The following MACROD2 variants were observed in gnomAD, a reference collection of about 807,000 sequenced individuals.
The protein encoded by MACROD2 is mono-ADP ribosylhydrolase 2.
In MACROD2, 36 loss-of-function variants were observed where a neutral mutation model predicts 70.4. That is an observed-to-expected ratio of 0.51 (90% CI 0.39 to 0.68). MACROD2 has a LOEUF of 0.68. MACROD2 is among the 30% of genes least tolerant of loss of function. The pLI is 0.00. For synonymous variants in MACROD2, 172 were observed against 178.8 expected, an observed-to-expected ratio of 0.96 and a Z score of 0.30; for missense variants, 496 against 538.4, an observed-to-expected ratio of 0.92 and a Z score of 0.78.
chr20:15,311,646 A>C (rs2146148077), intron 6 of MACROD2, among the ~76,000 whole-genome samples: 1 of 152,328 alleles, frequency 6.6e-6, no homozygotes, highest in South Asian at 2.1e-4. Flanking sequence ...ACATGGATGG[A>C]GCTGGAGGTG....
At chr20:14,601,948 C>T (rs113215635) in intron 4 of MACROD2, among the ~76,000 whole-genome samples, 2 of 152,274 alleles carry the variant, frequency 1.3e-5, no homozygotes, top group African/African-American at 4.8e-5. Flanking sequence ...TTAAGCATCT[C>T]GCACCATATA....
chr20:15,980,172 T>A (rs2066375061), intron 13 of MACROD2, among the ~76,000 whole-genome samples: 1 of 152,162 alleles, frequency 6.6e-6, no homozygotes, highest in Non-Finnish European at 1.5e-5. Flanking sequence ...ATAACATCGG[T>A]TTCTAAGTTA....
intron 8 of MACROD2, among the ~76,000 whole-genome samples, chr20:15,735,778 C>A (rs2051010898): frequency 6.6e-6 from 1 of 152,152 alleles, no homozygotes; most frequent in Admixed American, 6.5e-5. Context: ...ACTGACTACC[C>A]AGGTCTCCAG....
At chr20:14,957,082 AAAAC>A (rs2074543591) in intron 5 of MACROD2, among the ~76,000 whole-genome samples, 1 of 152,044 alleles carries the variant, frequency 6.6e-6, no homozygotes, top group Non-Finnish European at 1.5e-5. Context: ...TTATACATTA[AAAAC>A]ACATTATCAA....
intron 8 of MACROD2, among the ~76,000 whole-genome samples, chr20:15,641,647 A>G (rs550093776): frequency 1.3e-5 from 2 of 152,318 alleles, no homozygotes; most frequent in South Asian, 4.1e-4. Context: ...TCATCCTAAC[A>G]CACAAGCGTC....
At chr20:14,401,669 CCT>C in intron 3 of MACROD2, among the ~76,000 whole-genome samples, 1 of 152,180 alleles carries the variant, frequency 6.6e-6, no homozygotes. Flanking sequence ...TTGTAAGTCC[CCT>C]GTCAACACTG....
chr20:15,431,158 T>C (rs2046359271), intron 6 of MACROD2, among the ~76,000 whole-genome samples: 1 of 152,090 alleles, frequency 6.6e-6, no homozygotes, highest in South Asian at 2.1e-4. Context: ...ATAATAACTT[T>C]AACAATTGCC....
intron 5 of MACROD2, chr20:14,757,477 G>T: frequency 2.0e-6 from 1 of 506,576 alleles, no homozygotes; most frequent in Non-Finnish European, 3.6e-6. Context: ...ATTTTTCTTA[G>T]GTAGGCATTA....
intron 4 of MACROD2, among the ~76,000 whole-genome samples, chr20:14,530,970 C>T (rs1156325407): frequency 2.6e-5 from 4 of 152,166 alleles, no homozygotes; most frequent in Non-Finnish European, 4.4e-5. Context: ...CTCAATTGGC[C>T]AAGCATTTTC....
chr20:15,633,850 G>C (rs1384509449), intron 8 of MACROD2, among the ~76,000 whole-genome samples: 2 of 152,136 alleles, frequency 1.3e-5, no homozygotes, highest in Non-Finnish European at 2.9e-5. Flanking sequence ...TCTGTAAATG[G>C]TTTTGTATGA....
intron 4 of MACROD2, among the ~76,000 whole-genome samples, chr20:14,584,618 C>T (rs964386): frequency 0.64 from 97,613 of 151,962 alleles, 32,912 homozygotes; most frequent in East Asian, 0.93. Flanking sequence ...GGCCCCACTT[C>T]CAAATACCAT....
At chr20:15,091,522 C>T (rs530450940) in intron 5 of MACROD2, among the ~76,000 whole-genome samples, 11 of 151,924 alleles carry the variant, frequency 7.2e-5, no homozygotes, top group African/African-American at 2.7e-4. Flanking sequence ...GAAAGGGAAA[C>T]ATCATGGGCA....
At chr20:15,849,269 C>T (rs79379336) in intron 8 of MACROD2, among the ~76,000 whole-genome samples, 4,252 of 152,232 alleles carry the variant, frequency 0.028, 123 homozygotes, top group East Asian at 0.13. Context: ...GCCTTTTGAA[C>T]GAAAAGATTC....
At chr20:15,564,679 A>G (rs139391571) in intron 8 of MACROD2, among the ~76,000 whole-genome samples, 1 of 152,322 alleles carries the variant, frequency 6.6e-6, no homozygotes, top group East Asian at 1.9e-4. Flanking sequence ...TTTTATTTTA[A>G]TATAATCACA....
At chr20:15,022,603 A>T (rs2122970677) in intron 5 of MACROD2, among the ~76,000 whole-genome samples, 1 of 152,342 alleles carries the variant, frequency 6.6e-6, no homozygotes, top group African/African-American at 2.4e-5. Context: ...ATTTTAGAGC[A>T]TTCTTGCACA....
At chr20:15,092,274 CAAT>C (rs1251119932) in intron 5 of MACROD2, among the ~76,000 whole-genome samples, 2 of 151,342 alleles carry the variant, frequency 1.3e-5, no homozygotes, top group African/African-American at 2.4e-5. Context: ...TGTGGGTTAA[CAAT>C]AAAAATTTAT....
At chr20:15,496,958 G>A (rs533264072) in intron 7 of MACROD2, among the ~76,000 whole-genome samples, 6 of 152,240 alleles carry the variant, frequency 3.9e-5, no homozygotes, top group East Asian at 3.9e-4. Flanking sequence ...GGTGAGGGCC[G>A]ATCAGACCTT....
chr20:14,127,472 G>C (rs889591517), intron 3 of MACROD2: 2 of 499,262 alleles, frequency 4.0e-6, no homozygotes, highest in African/African-American at 4.0e-5. Flanking sequence ...GGAGCAGAAG[G>C]AGGCAGAGGT....
intron 6 of MACROD2, among the ~76,000 whole-genome samples, chr20:15,307,755 T>C (rs2077711932): frequency 6.6e-6 from 1 of 152,204 alleles, no homozygotes; most frequent in Non-Finnish European, 1.5e-5. Flanking sequence ...TTTTCTTTTT[T>C]TTCTGGTCTA....
Sources: gnomAD v4.1 joint callset for allele counts (sites outside exome capture counted in the v4.1 genomes callset) on GRCh38, gnomAD v4.1.1 for gene constraint, MANE v1.5 for transcripts, NCBI Gene and HGNC (gene_info 2026-07-23, HGNC 2026-07-21) for gene names.